Variants in ALK observed in about 807,000 individuals in gnomAD.
The protein encoded by ALK is ALK tyrosine kinase receptor.
Under a neutral mutation model 163.1 loss-of-function variants are expected in ALK, and 74 were observed. The observed-to-expected ratio is 0.45, with a 90% CI of 0.38 to 0.55. ALK has a LOEUF of 0.55. Ranked by LOEUF, ALK falls within the 20% of genes least tolerant of loss-of-function variation. The pLI, the probability that ALK is intolerant of heterozygous loss-of-function variation, is 0.00. For missense variants in ALK, 2,063 were observed against 2,105.3 expected (o/e 0.98, Z 0.39); for synonymous variants, 960 against 843.2 (o/e 1.14, Z -2.40).
chr2:29,478,058 T>C (rs1459542778), intron 4 of ALK, among the ~76,000 whole-genome samples: 5 of 152,216 alleles, frequency 3.3e-5, no homozygotes, highest in Non-Finnish European at 7.3e-5. Flanking sequence ...CCTCCATCCA[T>C]AAAAAATGAA....
intron 4 of ALK, among the ~76,000 whole-genome samples, chr2:29,431,204 A>C (rs1670264329): frequency 6.6e-6 from 1 of 152,166 alleles, no homozygotes; most frequent in Admixed American, 6.5e-5. Context: ...TAAGACACAA[A>C]GGGACCTAGG....
At chr2:29,825,275 C>T (rs541390588) in intron 1 of ALK, among the ~76,000 whole-genome samples, 12 of 152,332 alleles carry the variant, frequency 7.9e-5, no homozygotes, top group African/African-American at 2.9e-4. Context: ...TCTGCTTCAT[C>T]TCTTCATCTG....
chr2:29,788,081 G>A (rs1287250400), intron 1 of ALK, among the ~76,000 whole-genome samples: 1 of 152,210 alleles, frequency 6.6e-6, no homozygotes, highest in Non-Finnish European at 1.5e-5. Context: ...GCTAAGAGAT[G>A]TACCTCACAG....
chr2:29,852,348 C>T (rs757403846), intron 1 of ALK, among the ~76,000 whole-genome samples: 15 of 152,148 alleles, frequency 9.9e-5, no homozygotes, highest in Non-Finnish European at 1.8e-4. Flanking sequence ...ATCTGTGTGG[C>T]CCTCCTTAAC....
chr2:29,402,928 C>T (rs1324274294), intron 4 of ALK, among the ~76,000 whole-genome samples: 4 of 152,068 alleles, frequency 2.6e-5, no homozygotes, highest in Non-Finnish European at 5.9e-5. Context: ...AAATGATTAC[C>T]GAACCAGATC....
At chr2:29,230,289 C>CTTT (rs5830106) in intron 15 of ALK, among the ~76,000 whole-genome samples, 10 of 138,974 alleles carry the variant, frequency 7.2e-5, no homozygotes, top group African/African-American at 2.7e-4. Context: ...ACACAATCAT[C>CTTT]TTTTTTTTTT....
At position 29,440,461 on chromosome 2, in the gene ALK, C is replaced by T. The variant is rs141938619; in HGVS notation, c.1155-56602G>A. ...CCTCCTGAGTAGCTGGGATTACAGG[C>T]ATCTGCCACCACACCCAGCTAATTT... is the stretch of plus-strand genomic sequence containing the variant. On this transcript the variant is annotated intron_variant, in intron 4 of 28. Coordinates refer to ENST00000389048, the MANE Select transcript of ALK (RefSeq NM_004304.5). Among the ~76,000 whole-genome samples the T allele has an allele frequency of 1.2e-3, 183 of 151,978 alleles. 1 individual carries two copies. The East Asian group carries it at 0.031, about 26-fold the overall frequency.
At chr2:29,455,244 A>G (rs1163125782) in intron 4 of ALK, among the ~76,000 whole-genome samples, 1 of 152,224 alleles carries the variant, frequency 6.6e-6, no homozygotes, top group Non-Finnish European at 1.5e-5. Context: ...AGGGACTGTC[A>G]GCAGACTGGA....
intron 3 of ALK, among the ~76,000 whole-genome samples, chr2:29,592,779 G>A (rs933939342): frequency 1.3e-5 from 2 of 152,134 alleles, no homozygotes; most frequent in Non-Finnish European, 2.9e-5. Context: ...TCCAAAGAGA[G>A]GCAGGAGAAG....
Position 29,847,902 on chromosome 2 carries a change from G to A in ALK, c.667+72091C>T, listed in dbSNP as rs543236455. On this transcript the variant is annotated intron_variant, in intron 1 of 28. Transcript: ENST00000389048. ...AGAGGAGGATGAGGGTGGGGGAGGT[G>A]TAAGAAGGAGAAGCAGAGATGGGAA... Among the ~76,000 whole-genome samples the A allele has an allele frequency of 3.0e-4, 45 of 152,134 alleles. No homozygotes were observed. In the South Asian group the frequency reaches 8.9e-3, roughly 30 times the overall value.
At chr2:29,709,425 A>T (rs1279921076) in intron 2 of ALK, among the ~76,000 whole-genome samples, 5 of 152,216 alleles carry the variant, frequency 3.3e-5, no homozygotes, top group African/African-American at 1.2e-4. Context: ...TTTGTCCCTG[A>T]ACTGCTGAGC....
Position 29,193,630 on chromosome 2 carries a change from G to A in ALK, c.4457C>T (p.Pro1486Leu). Residue 1486 changes from proline (P) to leucine (L), a missense_variant, in exon 29 of 29, where the codon CCT becomes CTT. Pro to Leu is a moderately conservative substitution (Grantham distance 98). Coordinates refer to ENST00000389048, the MANE Select transcript of ALK (RefSeq NM_004304.5). ...VNMAFSQSNP[P>L]SELHKVHGSR... ...TCCGTGGACCTTGTGCAACTCCGAA[G>A]GAGGGTTGGACTGAGAGAATGCCAT... 1 of 1,614,242 alleles carries A rather than the reference G, an allele frequency of 6.2e-7. No individual in the cohort carries two copies. Among genetic ancestry groups the A allele is most frequent in the Non-Finnish European group, 8.5e-7 (1 of 1,180,036 alleles).
chr2:29,592,436 G>C (rs554534658), intron 3 of ALK, among the ~76,000 whole-genome samples: 1 of 152,270 alleles, frequency 6.6e-6, no homozygotes, highest in East Asian at 1.9e-4. Flanking sequence ...GAGTTGCAAA[G>C]TATCCCTCTC....
chr2:29,723,576 C>T (rs1024168204), intron 1 of ALK, among the ~76,000 whole-genome samples: 3 of 152,184 alleles, frequency 2.0e-5, no homozygotes, highest in African/African-American at 7.2e-5. Context: ...AAATCAGCGC[C>T]CTGGAGGAAG....
chr2:29,630,570 G>A (rs1676338327), intron 3 of ALK, among the ~76,000 whole-genome samples: 1 of 151,896 alleles, frequency 6.6e-6, no homozygotes, highest in South Asian at 2.1e-4. Flanking sequence ...GTACCTGAGT[G>A]TATTAGGTAT....
intron 2 of ALK, among the ~76,000 whole-genome samples, chr2:29,700,484 C>T (rs1462650174): frequency 1.3e-5 from 2 of 152,202 alleles, no homozygotes; most frequent in South Asian, 2.1e-4. Flanking sequence ...GCGGAGGGTG[C>T]GGTGAGCCGA....
At chr2:29,565,785 A>G (rs1396998616) in intron 3 of ALK, among the ~76,000 whole-genome samples, 1 of 152,196 alleles carries the variant, frequency 6.6e-6, no homozygotes, top group East Asian at 1.9e-4. Flanking sequence ...GTTCCTCTCA[A>G]CATAAACTCT....
intron 5 of ALK, among the ~76,000 whole-genome samples, chr2:29,380,547 T>C (rs2148299217): frequency 6.6e-6 from 1 of 152,020 alleles, no homozygotes; most frequent in East Asian, 1.9e-4. Context: ...GCCTCCTGAG[T>C]AGTTGGGATT....
At chr2:29,612,211 C>T (rs1403368747) in intron 3 of ALK, among the ~76,000 whole-genome samples, 1 of 152,186 alleles carries the variant, frequency 6.6e-6, no homozygotes, top group Non-Finnish European at 1.5e-5. Flanking sequence ...CAGTTGCCAT[C>T]TCAGTAGTGT....
Sources: allele counts gnomAD v4.1 joint callset (sites outside exome capture counted in the v4.1 genomes callset), GRCh38; gene constraint gnomAD v4.1.1; transcripts MANE v1.5; gene names NCBI Gene and HGNC (gene_info 2026-07-23, HGNC 2026-07-21).